PTPRR: variants seen among roughly 807,000 people sequenced by gnomAD.
The protein encoded by PTPRR is protein tyrosine phosphatase receptor type R, also known as receptor-type tyrosine-protein phosphatase R.
A neutral mutation model predicts 77.2 loss-of-function variants in PTPRR; 38 were observed. The ratio of observed to expected loss-of-function variants is 0.49; its 90% confidence interval spans 0.38 to 0.65. The LOEUF is 0.65. Ranked by LOEUF, PTPRR falls within the 30% of genes least tolerant of loss-of-function variation. PTPRR has a pLI of 0.00. For synonymous variants in PTPRR, 299 were observed against 283.1 expected (o/e 1.06, Z -0.57); for missense variants, 744 against 799.2 (o/e 0.93, Z 0.83).
intron 2 of PTPRR, among the ~76,000 whole-genome samples, chr12:70,821,267 C>T (rs1038142354): frequency 9.9e-6 from 1 of 100,790 alleles, no homozygotes; most frequent in Admixed American, 1.3e-4. Context: ...CTCTGTCCCC[C>T]AGGCTGGAGT....
intron 2 of PTPRR, among the ~76,000 whole-genome samples, chr12:70,793,584 A>T (rs1345985890): frequency 6.6e-6 from 1 of 152,174 alleles, no homozygotes; most frequent in Non-Finnish European, 1.5e-5. Flanking sequence ...GAGTGTTGTG[A>T]GAAAGTTAGC....
chr12:70,739,654 C>G (rs991273574), intron 6 of PTPRR, among the ~76,000 whole-genome samples: 4 of 152,154 alleles, frequency 2.6e-5, no homozygotes, highest in African/African-American at 9.7e-5. Flanking sequence ...ACTTAAAAAC[C>G]AGTTCAAGTC....
chr12:70,915,943 A>G lies in PTPRR; in HGVS notation c.58+4390T>C, dbSNP rs1893768860. 2.6e-5 allele frequency among the ~76,000 whole-genome samples: 4 copies of G among 152,180 alleles called. No homozygotes were observed. The South Asian group carries it at 8.3e-4, about 32-fold the overall frequency. On this transcript the variant is annotated intron_variant, in intron 1 of 13. Coordinates refer to ENST00000283228, the MANE Select transcript of PTPRR (RefSeq NM_002849.4). ...AGATTTTATGTCAGGAACTGCCCCC[A>G]GGTACTAGGTAGCCCAAGACCTCTA... is the stretch of plus-strand genomic sequence containing the variant.
chr12:70,804,018 G>C (rs1205033301), intron 2 of PTPRR, among the ~76,000 whole-genome samples: 1 of 151,954 alleles, frequency 6.6e-6, no homozygotes, highest in South Asian at 2.1e-4. Context: ...GCAAGCATTT[G>C]GCATTTTGGA....
At chr12:70,762,641 A>G (rs1292588768) in intron 3 of PTPRR, among the ~76,000 whole-genome samples, 1 of 152,250 alleles carries the variant, frequency 6.6e-6, no homozygotes, top group East Asian at 1.9e-4. Flanking sequence ...GTTGTGCCTA[A>G]CATGCTATTT....
At chr12:70,712,863 T>C (rs574492264) in intron 6 of PTPRR, among the ~76,000 whole-genome samples, 32 of 151,340 alleles carry the variant, frequency 2.1e-4, no homozygotes, top group South Asian at 4.2e-4. Context: ...AAGTTATATA[T>C]ACTCCCTCCT....
At chr12:70,838,231 A>C (rs1892337835) in intron 2 of PTPRR, among the ~76,000 whole-genome samples, 1 of 152,152 alleles carries the variant, frequency 6.6e-6, no homozygotes, top group South Asian at 2.1e-4. Context: ...TTGAGGGTTG[A>C]GTCCTCAAGA....
intron 2 of PTPRR, among the ~76,000 whole-genome samples, chr12:70,818,067 C>T (rs900339675): frequency 1.3e-5 from 2 of 151,708 alleles, no homozygotes; most frequent in Non-Finnish European, 2.9e-5. Context: ...CAAAAATTAG[C>T]CGGATGTGGT....
chr12:70,670,481 GTAGAGT>G (rs954648376), intron 10 of PTPRR, among the ~76,000 whole-genome samples: 13 of 152,256 alleles, frequency 8.5e-5, no homozygotes, highest in African/African-American at 3.1e-4. Flanking sequence ...AACCTACTTT[GTAGAGT>G]TAGAGGAAAA....
intron 2 of PTPRR, among the ~76,000 whole-genome samples, chr12:70,791,352 T>C (rs1242729998): frequency 1.3e-5 from 2 of 152,178 alleles, no homozygotes; most frequent in African/African-American, 4.8e-5. Flanking sequence ...AGAAATCCTC[T>C]GAGATATATG....
chr12:70,649,921 A>C (rs1201997585), intron 13 of PTPRR, among the ~76,000 whole-genome samples: 2 of 151,998 alleles, frequency 1.3e-5, no homozygotes, highest in Non-Finnish European at 2.9e-5. Flanking sequence ...TTACTATCCT[A>C]TCTCTAGTCT....
chr12:70,836,962 A>C (rs1892314986), intron 2 of PTPRR, among the ~76,000 whole-genome samples: 1 of 152,112 alleles, frequency 6.6e-6, no homozygotes, highest in Non-Finnish European at 1.5e-5. Context: ...TTTTATCACT[A>C]AACTATAAGT....
chr12:70,894,554 G>T (rs1893393024), intron 1 of PTPRR, among the ~76,000 whole-genome samples: 1 of 151,648 alleles, frequency 6.6e-6, no homozygotes, highest in Admixed American at 6.6e-5. Context: ...TCTCCTTTCA[G>T]AAATGTAGAA....
At chr12:70,783,878 G>GGGGGGGGGGGGT (rs1891260761) in intron 2 of PTPRR, among the ~76,000 whole-genome samples, 1 of 136,082 alleles carries the variant, frequency 7.3e-6, no homozygotes, top group Non-Finnish European at 1.6e-5. Context: ...GGGGGGGGCG[G>GGGGGGGGGGGGT]GGGGCGGGGG....
At chr12:70,738,406 T>C (rs1889943371) in intron 6 of PTPRR, among the ~76,000 whole-genome samples, 1 of 152,150 alleles carries the variant, frequency 6.6e-6, no homozygotes, top group Admixed American at 6.5e-5. Context: ...TACTGAGAAA[T>C]GAAGTCAGGA....
At chr12:70,818,459 C>G (rs1196832597) in intron 2 of PTPRR, among the ~76,000 whole-genome samples, 1 of 152,116 alleles carries the variant, frequency 6.6e-6, no homozygotes, top group African/African-American at 2.4e-5. Context: ...ATTATTCTCA[C>G]ACTTTTCAGA....
At chr12:70,767,288 C>A (rs940825895) in intron 2 of PTPRR, among the ~76,000 whole-genome samples, 1 of 151,708 alleles carries the variant, frequency 6.6e-6, no homozygotes, top group African/African-American at 2.4e-5. Flanking sequence ...TGCAGAGACA[C>A]ACATAGGCTC....
At chr12:70,666,956 T>G (rs941672614) in intron 10 of PTPRR, among the ~76,000 whole-genome samples, 56 of 98,986 alleles carry the variant, frequency 5.7e-4, no homozygotes, top group South Asian at 4.6e-3. Context: ...TTTTTTTTTT[T>G]TTTTTTTTTT....
chr12:70,821,213 C>CATTTTTTTTTTTTTTT (rs1892002811), intron 2 of PTPRR, among the ~76,000 whole-genome samples: 3 of 31,972 alleles, frequency 9.4e-5, no homozygotes, highest in Non-Finnish European at 1.8e-4. Context: ...GGGATCACTG[C>CATTTTTTTTTTTTTTT]TTTTTTTTTT....
Sources: gnomAD v4.1 joint callset for allele counts (sites outside exome capture counted in the v4.1 genomes callset) on GRCh38, gnomAD v4.1.1 for gene constraint, MANE v1.5 for transcripts, NCBI Gene and HGNC (gene_info 2026-07-23, HGNC 2026-07-21) for gene names.